The following ADAMTS6 variants were observed in gnomAD, a reference collection of about 807,000 sequenced individuals.
ADAMTS6 encodes the protein ADAM metallopeptidase with thrombospondin type 1 motif 6, also known as A disintegrin and metalloproteinase with thrombospondin motifs 6.
In ADAMTS6, 23 loss-of-function variants were observed where a neutral mutation model predicts 144.3. The ratio of observed to expected loss-of-function variants is 0.16; its 90% CI spans 0.11 to 0.23. ADAMTS6 has a LOEUF of 0.23. ADAMTS6 is among the 10% of genes least tolerant of loss of function. The probability of loss-of-function intolerance (pLI) is 1.00; values close to 1 mark genes in which losing one functional copy is unlikely to be tolerated. For synonymous variants in ADAMTS6, 444 were observed against 457.5 expected (o/e 0.97, Z 0.38); for missense variants, 999 against 1,379.6 (o/e 0.72, Z 4.37).
At chr5:65,267,128 CTT>C (rs1206980052) in intron 12 of ADAMTS6, among the ~76,000 whole-genome samples, 2 of 76,518 alleles carry the variant, frequency 2.6e-5, no homozygotes, top group African/African-American at 4.1e-5. Flanking sequence ...TGTTTTTACT[CTT>C]TCTTTTACCT....
chr5:65,246,603 G>C, intron 14 of ADAMTS6, among the ~76,000 whole-genome samples: 1 of 151,998 alleles, frequency 6.6e-6, no homozygotes, highest in East Asian at 1.9e-4. Flanking sequence ...GAGTGAAAAG[G>C]AACTGAAGGA....
chr5:65,325,957 G>T (rs1721803161), intron 9 of ADAMTS6, among the ~76,000 whole-genome samples: 1 of 152,116 alleles, frequency 6.6e-6, no homozygotes, highest in Non-Finnish European at 1.5e-5. Flanking sequence ...ATAATGAACT[G>T]CCATAAACAC....
intron 11 of ADAMTS6, among the ~76,000 whole-genome samples, chr5:65,290,009 A>C (rs1411129635): frequency 6.6e-6 from 1 of 152,202 alleles, no homozygotes; most frequent in Non-Finnish European, 1.5e-5. Flanking sequence ...AGGATAAGCC[A>C]AAGTTTTACA....
At chr5:65,357,798 A>G (rs1299764249) in intron 7 of ADAMTS6, among the ~76,000 whole-genome samples, 1 of 151,828 alleles carries the variant, frequency 6.6e-6, no homozygotes, top group East Asian at 1.9e-4. Flanking sequence ...ATGAAATACA[A>G]ACTCTAACAG....
chr5:65,384,450 G>A (rs1291231749), intron 7 of ADAMTS6, among the ~76,000 whole-genome samples: 2 of 152,088 alleles, frequency 1.3e-5, no homozygotes, highest in East Asian at 1.9e-4. Context: ...TCACAAAGCA[G>A]CAGAACACAA....
At chr5:65,251,491 G>A (rs969273548) in intron 14 of ADAMTS6, 1 of 152,152 alleles carries the variant, frequency 6.6e-6, no homozygotes, top group Non-Finnish European at 1.5e-5. Flanking sequence ...AAATGCTCCT[G>A]GTTTCTCAGT....
At chr5:65,463,232 C>T (rs1225725507) in intron 3 of ADAMTS6, among the ~76,000 whole-genome samples, 5 of 151,974 alleles carry the variant, frequency 3.3e-5, no homozygotes, top group Non-Finnish European at 7.4e-5. Flanking sequence ...ACCATCCTCT[C>T]TAATAAGGTG....
chr5:65,262,679 C>T (rs1761301641), intron 13 of ADAMTS6, 138 bp downstream of exon 13: 3 of 969,026 alleles, frequency 3.1e-6, no homozygotes, highest in Middle Eastern at 3.5e-4. Context: ...CCTCCACTTT[C>T]CTGTGCCTAT....
At chr5:65,404,733 A>C (rs1382278957) in intron 7 of ADAMTS6, among the ~76,000 whole-genome samples, 1 of 152,214 alleles carries the variant, frequency 6.6e-6, no homozygotes, top group Non-Finnish European at 1.5e-5. Context: ...TGCCTTCCAC[A>C]ATGGTTGAAC....
intron 1 of ADAMTS6, among the ~76,000 whole-genome samples, chr5:65,479,060 G>A (rs746814482): frequency 6.6e-6 from 1 of 152,144 alleles, no homozygotes; most frequent in Non-Finnish European, 1.5e-5. Flanking sequence ...TTATTATGAA[G>A]CTAAAGAATG....
At chr5:65,192,246 G>A (rs1379845933) in intron 21 of ADAMTS6, among the ~76,000 whole-genome samples, 2 of 151,818 alleles carry the variant, frequency 1.3e-5, no homozygotes, top group Non-Finnish European at 2.9e-5. Context: ...CTCTCTTATT[G>A]TACTTAACAG....
rs565749054 is a variant in ADAMTS6 at position 65,164,367 on chromosome 5, C to A, written c.3244+6250G>T. Among the ~76,000 whole-genome samples, 931 of 152,242 alleles carry A rather than the reference C, an allele frequency of 6.1e-3. 3 individuals carry two copies. The highest frequency in any genetic ancestry group is 9.5e-3 in the Non-Finnish European group (644 of 68,014). Reference sequence around the variant, plus strand: ...CCAGGAGATTATATCCCGCACCTGGCTCGGAGGGTCCTACGCCCACGGAGT... The same window carrying A: ...CCAGGAGATTATATCCCGCACCTGGATCGGAGGGTCCTACGCCCACGGAGT... On this transcript the variant is annotated intron_variant, in intron 24 of 24. Transcript: ENST00000381055.
chr5:65,297,400 G>A (rs923282708), intron 10 of ADAMTS6, among the ~76,000 whole-genome samples: 1 of 152,240 alleles, frequency 6.6e-6, no homozygotes, highest in South Asian at 2.1e-4. Flanking sequence ...ATCATAGAAA[G>A]CTCATTGTTA....
chr5:65,423,512 T>C (rs1051412086), intron 7 of ADAMTS6, among the ~76,000 whole-genome samples: 7 of 152,182 alleles, frequency 4.6e-5, no homozygotes, highest in African/African-American at 1.2e-4. Context: ...ACAATTATTC[T>C]ATTCCCCTTT....
At chr5:65,264,878 AC>A (rs1289066182) in intron 12 of ADAMTS6, among the ~76,000 whole-genome samples, 1 of 152,170 alleles carries the variant, frequency 6.6e-6, no homozygotes, top group African/African-American at 2.4e-5. Flanking sequence ...TATGTATGCA[AC>A]AAAAATTAAT....
At chr5:65,340,930 C>G (rs1180273435) in intron 7 of ADAMTS6, among the ~76,000 whole-genome samples, 1 of 151,854 alleles carries the variant, frequency 6.6e-6, no homozygotes, top group Non-Finnish European at 1.5e-5. Flanking sequence ...CAGGAACACC[C>G]AGATACATAG....
rs894723964 is a variant in ADAMTS6, at chr5:65,268,421, A to G, written c.1620+4919T>C. Among the ~76,000 whole-genome samples, 14 of 152,152 alleles carry G rather than the reference A, an allele frequency of 9.2e-5. No homozygotes were observed. The South Asian group carries it at 2.9e-3, about 32-fold the overall frequency. On this transcript the variant is annotated intron_variant, in intron 12 of 24. Coordinates refer to ENST00000381055, the MANE Select transcript of ADAMTS6 (RefSeq NM_197941.4). ...TAAATCCTTATTTACTATTTCGTCA[A>G]TTATGGCATTGCTCTGATTCCTGTC...
At chr5:65,199,982 T>C (rs1312714409) in intron 20 of ADAMTS6, among the ~76,000 whole-genome samples, 1 of 152,186 alleles carries the variant, frequency 6.6e-6, no homozygotes, top group Admixed American at 6.5e-5. Context: ...AATAGACAGC[T>C]GAAATTGCTC....
At chr5:65,162,184 C>T (rs748807058) in intron 24 of ADAMTS6, among the ~76,000 whole-genome samples, 1 of 152,122 alleles carries the variant, frequency 6.6e-6, no homozygotes, top group Non-Finnish European at 1.5e-5. Flanking sequence ...TATACATAAA[C>T]TGCAAAGTTT....
Sources: allele counts gnomAD v4.1 joint callset (sites outside exome capture counted in the v4.1 genomes callset), GRCh38; gene constraint gnomAD v4.1.1; transcripts MANE v1.5; gene names NCBI Gene and HGNC (gene_info 2026-07-23, HGNC 2026-07-21).